Variants in ERBB4 observed in about 807,000 individuals in gnomAD.
ERBB4 encodes the protein erb-b2 receptor tyrosine kinase 4.
ERBB4 carries 42 observed loss-of-function variants against 158.0 expected under a neutral mutation model. The observed-to-expected ratio is 0.27, with a 90% confidence interval of 0.21 to 0.34. The LOEUF (loss-of-function observed/expected upper bound fraction) is 0.34, where lower values mean the gene tolerates loss of function less well. ERBB4 is among the 10% of genes least tolerant of loss of function. The pLI, the probability that ERBB4 is intolerant of heterozygous loss-of-function variation, is 1.00. For synonymous variants in ERBB4, 583 were observed against 558.7 expected (o/e 1.04, Z -0.61); for missense variants, 1,333 against 1,624.1 (o/e 0.82, Z 3.08).
At chr2:212,376,151 C>T (rs975664691) in intron 1 of ERBB4, among the ~76,000 whole-genome samples, 4 of 152,050 alleles carry the variant, frequency 2.6e-5, no homozygotes, top group South Asian at 4.1e-4. Context: ...ACTTTCCACT[C>T]GATGGGTGCC....
intron 25 of ERBB4, among the ~76,000 whole-genome samples, chr2:211,391,600 G>T (rs935998448): frequency 1.3e-5 from 2 of 152,150 alleles, no homozygotes; most frequent in Non-Finnish European, 2.9e-5. Flanking sequence ...CTGGGAGATT[G>T]TATGATTAAC....
In ERBB4 at chr2:212,003,112, A is replaced by AGAAGGAAGGAAGGAAGGAAGGAAG. The variant is rs1217270481; in HGVS notation, c.235-55520_235-55497dup. Among the ~76,000 whole-genome samples the AGAAGGAAGGAAGGAAGGAAGGAAG allele has an allele frequency of 1.3e-3, 63 of 48,186 alleles. 2 individuals are homozygous for AGAAGGAAGGAAGGAAGGAAGGAAG. Among genetic ancestry groups the AGAAGGAAGGAAGGAAGGAAGGAAG allele is most frequent in the Middle Eastern group, 9.1e-3 (1 of 110 alleles). The allele number at this position is 48,186 out of a possible 152,430, so 31.6% of individuals were successfully genotyped here. A position where few individuals can be genotyped will look rare whatever the true frequency, so the allele number is the denominator to read the frequency against. On this transcript the variant is annotated intron_variant, in intron 2 of 27. Transcript: ENST00000342788. The stretch of plus-strand genomic sequence containing the variant: ...GAGAGACAGAGACAGAAAGAAAGAA[A>AGAAGGAAGGAAGGAAGGAAGGAAG]GAAGGAAGGAAGGAAGGAAGGAAGG...
At chr2:212,181,474 TA>T (rs966088559) in intron 1 of ERBB4, among the ~76,000 whole-genome samples, 2 of 151,654 alleles carry the variant, frequency 1.3e-5, no homozygotes, top group African/African-American at 2.4e-5. Flanking sequence ...AACCTATAAA[TA>T]ATTTCAATAT....
chr2:212,287,548 A>AC (rs1464726524), intron 1 of ERBB4, among the ~76,000 whole-genome samples: 2 of 151,772 alleles, frequency 1.3e-5, no homozygotes, highest in Admixed American at 6.5e-5. Flanking sequence ...ACAGGGGGTA[A>AC]CCTAACAGGC....
chr2:212,483,206 A>G (rs1364914011), intron 1 of ERBB4, among the ~76,000 whole-genome samples: 1 of 152,186 alleles, frequency 6.6e-6, no homozygotes, highest in Non-Finnish European at 1.5e-5. Flanking sequence ...TGTGAAATTC[A>G]CTGGAACAGA....
intron 12 of ERBB4, among the ~76,000 whole-genome samples, chr2:211,690,064 T>C (rs961278922): frequency 6.7e-6 from 1 of 148,434 alleles, no homozygotes; most frequent in East Asian, 1.9e-4. Context: ...ATCAATGTAA[T>C]ATATATTATG....
chr2:211,465,663 A>G (rs6756178), intron 20 of ERBB4, among the ~76,000 whole-genome samples: 13,601 of 152,176 alleles, frequency 0.089, 1,109 homozygotes, highest in African/African-American at 0.22. Context: ...CTGTATAATC[A>G]AAATCTATCT....
intron 1 of ERBB4, among the ~76,000 whole-genome samples, chr2:212,310,120 T>C (rs964978692): frequency 6.6e-5 from 10 of 150,826 alleles, no homozygotes; most frequent in African/African-American, 2.4e-4. Flanking sequence ...TTTCATAAAG[T>C]CTAATATAGG....
intron 1 of ERBB4, among the ~76,000 whole-genome samples, chr2:212,356,140 A>T (rs932512278): frequency 6.6e-6 from 1 of 152,032 alleles, no homozygotes; most frequent in Admixed American, 6.6e-5. Context: ...TAAAATGCTG[A>T]TTCTATTAAC....
At chr2:212,493,643 A>T (rs1164151650) in intron 1 of ERBB4, among the ~76,000 whole-genome samples, 2 of 151,718 alleles carry the variant, frequency 1.3e-5, no homozygotes, top group African/African-American at 4.8e-5. Flanking sequence ...TTAGTCAAGC[A>T]TTAACATTAG....
At chr2:211,792,389 A>G (rs2076295461) in intron 3 of ERBB4, among the ~76,000 whole-genome samples, 1 of 151,750 alleles carries the variant, frequency 6.6e-6, no homozygotes, top group Non-Finnish European at 1.5e-5. Flanking sequence ...GAAAATATAT[A>G]TATATAATTC....
chr2:211,576,767 C>G (rs949960925), intron 19 of ERBB4, among the ~76,000 whole-genome samples: 10 of 151,894 alleles, frequency 6.6e-5, no homozygotes, highest in Admixed American at 6.6e-5. Flanking sequence ...ATATAAATTT[C>G]CTATGATAAC....
intron 2 of ERBB4, among the ~76,000 whole-genome samples, chr2:211,992,858 T>G (rs1212369134): frequency 6.6e-6 from 1 of 152,190 alleles, no homozygotes; most frequent in Non-Finnish European, 1.5e-5. Context: ...CATAGTTGTT[T>G]GGCTTTATTC....
At chr2:211,587,875 C>T (rs1159268719) in intron 19 of ERBB4, among the ~76,000 whole-genome samples, 2 of 152,136 alleles carry the variant, frequency 1.3e-5, no homozygotes, top group African/African-American at 4.8e-5. Flanking sequence ...ATTCATTCTA[C>T]ACTTGTACCT....
At chr2:212,482,552 C>T (rs879197443) in intron 1 of ERBB4, among the ~76,000 whole-genome samples, 1 of 152,048 alleles carries the variant, frequency 6.6e-6, no homozygotes, top group Admixed American at 6.6e-5. Flanking sequence ...GTAAATAAAC[C>T]TTAGGAGAAA....
At chr2:211,605,223 A>T (rs1179150448) in intron 19 of ERBB4, among the ~76,000 whole-genome samples, 2 of 152,166 alleles carry the variant, frequency 1.3e-5, no homozygotes, top group African/African-American at 4.8e-5. Flanking sequence ...TTTATTGATT[A>T]GAAATGGGCA....
At chr2:211,984,300 G>A (rs1289196852) in intron 2 of ERBB4, among the ~76,000 whole-genome samples, 1 of 152,034 alleles carries the variant, frequency 6.6e-6, no homozygotes, top group Non-Finnish European at 1.5e-5. Context: ...ATCATACCAG[G>A]AATTAGGTTC....
chr2:211,908,956 T>A (rs1215006168), intron 3 of ERBB4, among the ~76,000 whole-genome samples: 3 of 151,590 alleles, frequency 2.0e-5, no homozygotes, highest in African/African-American at 7.2e-5. Flanking sequence ...ATTTAAAAAT[T>A]ATATATGTTA....
At chr2:211,833,910 T>C (rs1438859362) in intron 3 of ERBB4, among the ~76,000 whole-genome samples, 1 of 152,122 alleles carries the variant, frequency 6.6e-6, no homozygotes, top group African/African-American at 2.4e-5. Flanking sequence ...TCTGCCTGGT[T>C]GAACTGAAGC....
Sources: gnomAD v4.1 joint callset for allele counts (sites outside exome capture counted in the v4.1 genomes callset) on GRCh38, gnomAD v4.1.1 for gene constraint, MANE v1.5 for transcripts, NCBI Gene and HGNC (gene_info 2026-07-23, HGNC 2026-07-21) for gene names.